Variants in PSMC4 observed in about 807,000 individuals in gnomAD.
The protein encoded by PSMC4 is proteasome 26S subunit, ATPase 4.
In PSMC4, 13 loss-of-function variants were observed where a neutral mutation model predicts 48.4. That is an observed-to-expected ratio of 0.27 (90% CI 0.18 to 0.43). The LOEUF (loss-of-function observed/expected upper bound fraction) is 0.43. PSMC4 is among the 20% of genes least tolerant of loss of function. The pLI is 1.00. For missense variants in PSMC4, 262 were observed against 555.9 expected (o/e 0.47, Z 5.32); for synonymous variants, 202 against 212.3 (o/e 0.95, Z 0.42).
In PSMC4 at chr19:39,972,357, C is replaced by G; in HGVS notation, c.136-12C>G. ...CTGGAGCCATCCCCTTCTGTCCCCT[C>G]TCTGCTCGCAGAAGCTGCAGCAAGA... On this transcript the variant is annotated splice_polypyrimidine_tract_variant and intron_variant, in intron 2 of 10. Coordinates refer to ENST00000157812, the MANE Select transcript of PSMC4 (RefSeq NM_006503.4). 1 of 1,613,264 alleles carries G rather than the reference C, an allele frequency of 6.2e-7. No homozygotes were observed. Among genetic ancestry groups the G allele is most frequent in the Non-Finnish European group, 8.5e-7 (1 of 1,179,342 alleles).
At chr19:39,978,460 A>AG (rs930989250) in intron 6 of PSMC4, among the ~76,000 whole-genome samples, 1 of 152,146 alleles carries the variant, frequency 6.6e-6, no homozygotes, top group African/African-American at 2.4e-5. Flanking sequence ...AGAAATCTTG[A>AG]GGTTAGGATG....
intron 6 of PSMC4, among the ~76,000 whole-genome samples, chr19:39,976,318 C>T (rs1447858715): frequency 3.1e-5 from 4 of 128,704 alleles, no homozygotes; most frequent in Non-Finnish European, 4.8e-5. Flanking sequence ...AGCTACTCAG[C>T]GTGAACCCGG....
Position 39,980,030 on chromosome 19 carries a change from G to A in PSMC4, c.842-40G>A, listed in dbSNP as rs375108140. On this transcript the variant is annotated intron_variant, in intron 7 of 10. Transcript: ENST00000157812. The surrounding 1 kb of genome is among the most constrained non-coding windows in gnomAD (Gnocchi z 4.8). Reference sequence around the variant, plus strand: ...GCCCGGGGTCTTGGACAGGCTTGTCGCATGGGATGCCTGGGACTGACTGTG... The same window carrying A: ...GCCCGGGGTCTTGGACAGGCTTGTCACATGGGATGCCTGGGACTGACTGTG... 187 of 1,613,794 alleles carry A rather than the reference G, an allele frequency of 1.2e-4. No individual in the cohort carries two copies. The highest frequency in any genetic ancestry group is 2.5e-4 in the East Asian group (11 of 44,882).
At chr19:39,972,840 G>C (rs1328092523) in intron 3 of PSMC4, among the ~76,000 whole-genome samples, 1 of 151,878 alleles carries the variant, frequency 6.6e-6, no homozygotes. Context: ...CCACCTCCCA[G>C]GTTCACACGA....
chr19:39,973,317 C>T (rs1254724979), intron 3 of PSMC4, among the ~76,000 whole-genome samples: 1 of 152,066 alleles, frequency 6.6e-6, no homozygotes, highest in Non-Finnish European at 1.5e-5. Flanking sequence ...GGCATGGTGC[C>T]TCACACGTAT....
intron 1 of PSMC4, among the ~76,000 whole-genome samples, chr19:39,971,515 G>C (rs1373900225): frequency 6.6e-6 from 1 of 152,184 alleles, no homozygotes; most frequent in African/African-American, 2.4e-5. Context: ...TGCTTAGTGA[G>C]GTCGGTGGCC....
At position 39,974,669 on chromosome 19, in the gene PSMC4, C is replaced by CCATTGGG; in HGVS notation, c.579+37_579+43dup. 2 of 1,571,930 alleles carry CCATTGGG rather than the reference C, an allele frequency of 1.3e-6. No homozygotes were observed. The highest frequency in any genetic ancestry group is 1.7e-6 in the Non-Finnish European group (2 of 1,143,326). On this transcript the variant is annotated intron_variant, in intron 5 of 10. Coordinates refer to ENST00000157812, the MANE Select transcript of PSMC4 (RefSeq NM_006503.4). This position sits in a 1 kb window ranked among gnomAD's most constrained non-coding sequence, Gnocchi z 5.5. ...GCAGGTGGCAGGGAAGGGAGAGGCCCCATTGGGTCTGGGGTTGGAGGTGGA... is the reference window on the plus strand; with the variant it reads ...GCAGGTGGCAGGGAAGGGAGAGGCCCCATTGGGCATTGGGTCTGGGGTTGGAGGTGGA...
At position 39,974,613 on chromosome 19, in the gene PSMC4, C is replaced by T. The variant is rs1355040101; in HGVS notation, c.559C>T (p.His187Tyr). Residue 187 changes from histidine to tyrosine, a missense_variant, in exon 5 of 11, where the codon CAT (histidine) becomes TAT (tyrosine). Physicochemically the swap from His to Tyr is moderately conservative, Grantham distance 83. Around this residue, in one of 4 missense-constraint regions of PSMC4, gnomAD observed 131 missense variants for 276.7 expected, o/e 0.47. Coordinates refer to ENST00000157812, the MANE Select transcript of PSMC4 (RefSeq NM_006503.4). This position sits in a 1 kb window ranked among gnomAD's most constrained non-coding sequence, Gnocchi z 5.5. ...GGAGGCCGTGGAGCTCCCGCTCACG[C>T]ATTTCGAGCTCTACAAGCAGGTGAG... Reference protein sequence around the residue: ...VREAVELPLTHFELYKQIGID... With the variant: ...VREAVELPLTYFELYKQIGID... 3.1e-6 allele frequency: 5 copies of T among 1,614,072 alleles called. No individual in the cohort carries two copies. The highest frequency in any genetic ancestry group is 4.2e-6 in the Non-Finnish European group (5 of 1,180,008).
At chr19:39,971,686 T>TA (rs1971104642) in intron 1 of PSMC4, among the ~76,000 whole-genome samples, 1 of 152,080 alleles carries the variant, frequency 6.6e-6, no homozygotes, top group Admixed American at 6.6e-5. Context: ...GCCTGAGTGA[T>TA]ATTTAGGTCT....
Position 39,974,586 on chromosome 19 carries a change from C to T in PSMC4, c.532C>T (p.Arg178Trp). ...CATGGACATCCAGAAGCAGGAGGTG[C>T]GGGAGGCCGTGGAGCTCCCGCTCAC... is the stretch of plus-strand genomic sequence containing the variant. ...GGMDIQKQEV[R>W]EAVELPLTHF... The change falls in exon 5 of 11, where the codon CGG (arginine) becomes TGG (tryptophan). Residue 178 changes from arginine to tryptophan, a missense_variant. This residue lies in a region of PSMC4 where 131 missense variants were observed against 276.7 expected (regional missense o/e 0.47). Transcript: ENST00000157812. The surrounding 1 kb of genome is among the most constrained non-coding windows in gnomAD (Gnocchi z 5.5). 1.2e-6 allele frequency: 2 copies of T among 1,613,990 alleles called. No individual in the cohort carries two copies. Among genetic ancestry groups the T allele is most frequent in the Non-Finnish European group, 1.7e-6 (2 of 1,179,998 alleles).
chr19:39,977,825 A>G lies in PSMC4; in HGVS notation c.674-1992A>G, dbSNP rs1004833844. 4.6e-5 allele frequency among the ~76,000 whole-genome samples: 7 copies of G among 151,836 alleles called. No individual in the cohort carries two copies. The East Asian group carries it at 5.8e-4, about 13-fold the overall frequency. On this transcript the variant is annotated intron_variant, in intron 6 of 10. Coordinates refer to ENST00000157812, the MANE Select transcript of PSMC4 (RefSeq NM_006503.4). The stretch of plus-strand genomic sequence containing the variant: ...CAATAGTGCGAGATTCTGTTTCCAA[A>G]AAAAAAAAGAGAGATAGGGTCTTGT...
chr19:39,972,570 C>T lies in PSMC4; in HGVS notation c.322+15C>T, dbSNP rs1971118859. The T allele has an allele frequency of 1.3e-6, 2 of 1,597,640 alleles. No individual in the cohort carries two copies. Among genetic ancestry groups the T allele is most frequent in the African/African-American group, 2.7e-5 (2 of 74,574 alleles). ...CTCTACCACAGGTGTGCTAAGGACA[C>T]CTCATTCATTCATCTGTCCACTTAA... is the stretch of plus-strand genomic sequence containing the variant. On this transcript the variant is annotated intron_variant, in intron 3 of 10. Coordinates refer to ENST00000157812, the MANE Select transcript of PSMC4 (RefSeq NM_006503.4).
Position 39,974,178 on chromosome 19 carries a change from G to T in PSMC4, c.323-116G>T. On this transcript the variant is annotated intron_variant, in intron 3 of 10. Coordinates refer to ENST00000157812, the MANE Select transcript of PSMC4 (RefSeq NM_006503.4). The surrounding 1 kb of genome is among the most constrained non-coding windows in gnomAD (Gnocchi z 5.5). ...CAGGAGGGAAGGCTGGAGGCCGAGA[G>T]GGGACCCCTCAGGGTCTGAACCAGA... 1 of 1,342,948 alleles carries T rather than the reference G, an allele frequency of 7.4e-7. No homozygotes were observed. Among genetic ancestry groups the T allele is most frequent in the Non-Finnish European group, 1.0e-6 (1 of 984,938 alleles). 83.2% of individuals were successfully genotyped at this position (1,342,948 alleles called of 1,614,324 possible).
Position 39,980,695 on chromosome 19 carries a change from A to G in PSMC4, c.1121A>G (p.Asp374Gly). 1.9e-6 allele frequency: 3 copies of G among 1,614,062 alleles called. No individual in the cohort carries two copies. The highest frequency in any genetic ancestry group is 2.5e-6 in the Non-Finnish European group (3 of 1,180,006). The change falls in exon 10 of 11, where the codon GAT becomes GGT. Residue 374 changes from aspartate (D) to glycine (G), a missense_variant. Asp to Gly is a moderately conservative substitution (Grantham distance 94). This residue lies in a region of PSMC4 where 84 missense variants were observed against 157.8 expected (regional missense o/e 0.53). Coordinates refer to ENST00000157812, the MANE Select transcript of PSMC4 (RefSeq NM_006503.4). This position sits in a 1 kb window ranked among gnomAD's most constrained non-coding sequence, Gnocchi z 4.8. ...VARPDKISGA[D>G]INSICQESGM... ...CGGCCAGATAAGATTTCAGGAGCTG[A>G]TATTAACTCCATCTGTCAGGAGGTA...
Position 39,980,785 on chromosome 19 carries a change from T to A in PSMC4, c.1143+68T>A. 6.6e-7 allele frequency: 1 copy of A among 1,510,386 alleles called. No homozygotes were observed. Among genetic ancestry groups the A allele is most frequent in the Non-Finnish European group, 9.2e-7 (1 of 1,085,976 alleles). 93.6% of individuals were successfully genotyped at this position (1,510,386 alleles called of 1,614,324 possible). ...AGGACCCTTCTTCTCTGAACCACTC[T>A]GCTGCAGTCCTGTCCCCTCATGGCT... On this transcript the variant is annotated intron_variant, in intron 10 of 10. Coordinates refer to ENST00000157812, the MANE Select transcript of PSMC4 (RefSeq NM_006503.4). The surrounding 1 kb of genome is among the most constrained non-coding windows in gnomAD (Gnocchi z 4.8).
chr19:39,972,289 T>A (rs201602087), intron 2 of PSMC4, 45 bp downstream of exon 2: 5 of 1,610,422 alleles, frequency 3.1e-6, no homozygotes, highest in Non-Finnish European at 3.4e-6. Context: ...ACCTGACATC[T>A]CATACTCTTC....
At chr19:39,976,359 G>A (rs542381440) in intron 6 of PSMC4, among the ~76,000 whole-genome samples, 5 of 125,950 alleles carry the variant, frequency 4.0e-5, no homozygotes, top group East Asian at 2.4e-4. Flanking sequence ...CCGAGATGGC[G>A]CCACTGCACT....
chr19:39,972,003 T>A, intron 1 of PSMC4, 143 bp from the exon 2 acceptor site: 1 of 745,028 alleles, frequency 1.3e-6, no homozygotes, highest in Non-Finnish European at 2.2e-6. Flanking sequence ...AGGATCTATT[T>A]AGAGGGTCTT....
chr19:39,976,287 G>C (rs1376421974), intron 6 of PSMC4, among the ~76,000 whole-genome samples: 1 of 143,252 alleles, frequency 7.0e-6, no homozygotes, highest in Non-Finnish European at 1.5e-5. Flanking sequence ...GCTGGGCGTG[G>C]TGGCCAGCGC....
Sources: allele counts gnomAD v4.1 joint callset (sites outside exome capture counted in the v4.1 genomes callset), GRCh38; gene constraint gnomAD v4.1.1; regional missense constraint gnomAD v4.1.1; non-coding constraint Gnocchi (gnomAD v3.1); transcripts MANE v1.5; gene names NCBI Gene and HGNC (gene_info 2026-07-23, HGNC 2026-07-21).